The following WDR93 variants were observed in gnomAD, a reference collection of about 807,000 sequenced individuals.
WDR93 encodes the protein WD repeat-containing protein 93.
In WDR93, 73 loss-of-function variants were observed where a neutral mutation model predicts 82.9. The ratio of observed to expected loss-of-function variants is 0.88; its 90% CI spans 0.73 to 1.07. The LOEUF (loss-of-function observed/expected upper bound fraction) is 1.07. Ranked by LOEUF, WDR93 falls within the 50% of genes least tolerant of loss-of-function variation. The pLI is 0.00. For synonymous variants in WDR93, 283 were observed against 300.1 expected (o/e 0.94, Z 0.59); for missense variants, 738 against 826.0 (o/e 0.89, Z 1.31).
intron 13 of WDR93, 151 bp downstream of exon 13, chr15:89,733,370 C>A: frequency 1.4e-6 from 1 of 711,172 alleles, no homozygotes; most frequent in Non-Finnish European, 2.3e-6. Flanking sequence ...ACCAATGTCA[C>A]ATATATGTTA....
At chr15:89,721,960 CCCTTCTTTTCCA>C (rs1413027384) in intron 7 of WDR93, 83 bp from the exon 8 acceptor site, 15 of 792,458 alleles carry the variant, frequency 1.9e-5, no homozygotes, top group Non-Finnish European at 3.0e-5. Context: ...TTTCTTTTTC[CCCTTCTTTTCCA>C]CCTTCTTTTA....
chr15:89,737,602 G>A lies in WDR93; in HGVS notation c.1638G>A (p.Val546=), dbSNP rs1380873549. The A allele has an allele frequency of 6.2e-7, 1 of 1,614,104 alleles. No homozygotes were observed. The highest frequency in any genetic ancestry group is 8.5e-7 in the Non-Finnish European group (1 of 1,180,048). Residue 546 remains valine (V), a synonymous_variant, in exon 15 of 17, where the codon GTG becomes GTA. Transcript: ENST00000268130. ...MVLIFSKNGS[V]CLMDVAKREI... ...TCATCTTTTCCAAGAATGGCTCTGTGTGCCTTATGGATGTGGCCAAGCGTG... is the reference window on the plus strand; with the variant it reads ...TCATCTTTTCCAAGAATGGCTCTGTATGCCTTATGGATGTGGCCAAGCGTG...
intron 1 of WDR93, among the ~76,000 whole-genome samples, chr15:89,695,573 G>A (rs1046451123): frequency 2.0e-5 from 3 of 151,964 alleles, no homozygotes; most frequent in Non-Finnish European, 4.4e-5. Flanking sequence ...TGTTGTAAAT[G>A]GTATTTTTAT....
chr15:89,713,715 C>A (rs186616321), intron 5 of WDR93, among the ~76,000 whole-genome samples: 1 of 152,032 alleles, frequency 6.6e-6, no homozygotes, highest in Non-Finnish European at 1.5e-5. Flanking sequence ...TCAGGTGATC[C>A]GCCCGCCTCG....
chr15:89,734,631 C>T (rs1967010900), intron 13 of WDR93, among the ~76,000 whole-genome samples: 2 of 152,136 alleles, frequency 1.3e-5, no homozygotes, highest in South Asian at 2.1e-4. Context: ...CAGCCAACTG[C>T]TTTTCAATCT....
In WDR93 at chr15:89,733,159, C is replaced by G; in HGVS notation, c.1484C>G (p.Ser495Cys). 1 of 1,614,110 alleles carries G rather than the reference C, an allele frequency of 6.2e-7. No individual in the cohort carries two copies. Among genetic ancestry groups the G allele is most frequent in the Non-Finnish European group, 8.5e-7 (1 of 1,179,974 alleles). ...TGTGTGGTGCTGTGCACAGACGCCTCCCTCCATCTGGTGGAGGCTAGCGGG... is the reference window on the plus strand; with the variant it reads ...TGTGTGGTGCTGTGCACAGACGCCTGCCTCCATCTGGTGGAGGCTAGCGGG... Reference protein sequence around the residue: ...MKCVVLCTDASLHLVEASGTQ... With the variant: ...MKCVVLCTDACLHLVEASGTQ... Residue 495 changes from serine to cysteine, a missense_variant, in exon 13 of 17, where the codon TCC becomes TGC. By Grantham distance (112) the Ser-to-Cys change is moderately radical. Coordinates refer to ENST00000268130, the MANE Select transcript of WDR93 (RefSeq NM_020212.2).
chr15:89,708,763 C>T (rs1965833172), intron 4 of WDR93, among the ~76,000 whole-genome samples: 1 of 152,204 alleles, frequency 6.6e-6, no homozygotes, highest in African/African-American at 2.4e-5. Flanking sequence ...AATTGCATTC[C>T]TATGCAAGGC....
intron 12 of WDR93, among the ~76,000 whole-genome samples, chr15:89,732,674 G>C (rs1335925570): frequency 6.6e-6 from 1 of 150,654 alleles, no homozygotes; most frequent in Non-Finnish European, 1.5e-5. Context: ...GCCTCCCCCT[G>C]CCCATACGCC....
rs1256214339 is a variant in WDR93, at chr15:89,733,015, T to C, written c.1340T>C (p.Leu447Pro). The C allele has an allele frequency of 3.1e-6, 5 of 1,614,166 alleles. No homozygotes were observed. Among genetic ancestry groups the C allele is most frequent in the South Asian group, 2.2e-5 (2 of 91,084 alleles). The stretch of plus-strand genomic sequence containing the variant: ...TGATTACTTTCTCTAGGATTCCCTC[T>C]TGGGGTCGCTGCTCTTCCTCAGGGA... ...TLWDLAKGFP[L>P]GVAALPQGCF... Residue 447 changes from leucine to proline, a missense_variant, in exon 13 of 17, where the codon CTT becomes CCT. Transcript: ENST00000268130.
intron 14 of WDR93, 136 bp downstream of exon 14, chr15:89,735,689 A>G: frequency 1.1e-6 from 1 of 871,308 alleles, no homozygotes; most frequent in South Asian, 1.6e-5. Context: ...CGGGTTTACA[A>G]ATAGAAAGAG....
At chr15:89,698,897 A>G (rs1278671620) in intron 1 of WDR93, among the ~76,000 whole-genome samples, 1 of 152,058 alleles carries the variant, frequency 6.6e-6, no homozygotes, top group African/African-American at 2.4e-5. Context: ...TTATTTATTT[A>G]ATTAATTAGT....
chr15:89,721,953 C>T, intron 7 of WDR93, 102 bp from the exon 8 acceptor site: 5 of 772,020 alleles, frequency 6.5e-6, no homozygotes, highest in African/African-American at 3.6e-5. Context: ...TCTTATTTTT[C>T]TTTTTCCCCT....
chr15:89,690,720 A>G (rs989796866), upstream of WDR93: 8 of 946,774 alleles, frequency 8.4e-6, no homozygotes, highest in African/African-American at 1.7e-5. Flanking sequence ...GGTCAGTCCC[A>G]GGTTATCCGC....
upstream of WDR93, chr15:89,690,556 G>A (rs1232470422): frequency 2.6e-6 from 4 of 1,546,454 alleles, no homozygotes; most frequent in South Asian, 1.2e-5. Context: ...AAGGGGCGGA[G>A]GCCGCTGGCA....
intron 16 of WDR93, among the ~76,000 whole-genome samples, chr15:89,740,203 T>A (rs1331109401): frequency 6.6e-6 from 1 of 152,166 alleles, no homozygotes; most frequent in Non-Finnish European, 1.5e-5. Context: ...CTAATCCAAG[T>A]TCATGCCTGG....
intron 4 of WDR93, among the ~76,000 whole-genome samples, chr15:89,709,241 A>G (rs895530241): frequency 2.6e-5 from 4 of 152,184 alleles, no homozygotes; most frequent in African/African-American, 9.7e-5. Flanking sequence ...AGAAAATCCT[A>G]AACCCCACTG....
chr15:89,716,481 T>C (rs1290956013), intron 6 of WDR93, among the ~76,000 whole-genome samples: 1 of 152,236 alleles, frequency 6.6e-6, no homozygotes, highest in East Asian at 1.9e-4. Flanking sequence ...TTCACTTCTT[T>C]TTCATACACT....
At chr15:89,713,345 A>G (rs1385479074) in intron 5 of WDR93, among the ~76,000 whole-genome samples, 18 of 152,102 alleles carry the variant, frequency 1.2e-4, no homozygotes, top group Admixed American at 1.1e-3. Flanking sequence ...AATAGAACAT[A>G]TTTTATTCAA....
intron 4 of WDR93, among the ~76,000 whole-genome samples, chr15:89,706,879 T>G (rs958012595): frequency 1.3e-5 from 2 of 152,190 alleles, no homozygotes; most frequent in Non-Finnish European, 2.9e-5. Context: ...AAAGTGATCC[T>G]GGGTTAGGCA....
Sources: gnomAD v4.1 joint callset for allele counts (sites outside exome capture counted in the v4.1 genomes callset) on GRCh38, gnomAD v4.1.1 for gene constraint, MANE v1.5 for transcripts, NCBI Gene and HGNC (gene_info 2026-07-23, HGNC 2026-07-21) for gene names.